TRPM1: variants seen among roughly 807,000 people sequenced by gnomAD.
TRPM1 encodes transient receptor potential cation channel subfamily M member 1.
Under a neutral mutation model 149.4 loss-of-function variants are expected in TRPM1, and 113 were observed. The ratio of observed to expected loss-of-function variants is 0.76; its 90% CI spans 0.65 to 0.88. The LOEUF is 0.88. Ranked by LOEUF, TRPM1 falls within the 40% of genes least tolerant of loss-of-function variation. TRPM1 has a pLI of 0.00. For missense variants in TRPM1, 1,976 were observed against 2,038.7 expected (o/e 0.97, Z 0.59); for synonymous variants, 741 against 759.5 (o/e 0.98, Z 0.40).
intron 1 of TRPM1, among the ~76,000 whole-genome samples, chr15:31,158,614 G>T: frequency 8.1e-6 from 1 of 124,124 alleles, no homozygotes; most frequent in Non-Finnish European, 1.6e-5. Flanking sequence ...GCGACAGAGT[G>T]AGACTCCATC....
chr15:31,022,686 A>G (rs1197978398), intron 27 of TRPM1, among the ~76,000 whole-genome samples: 5 of 152,166 alleles, frequency 3.3e-5, no homozygotes, highest in Non-Finnish European at 7.4e-5. Context: ...CCTTTTTGAT[A>G]TTCCATGAGG....
chr15:31,046,063 A>T (rs202006754), intron 16 of TRPM1, 141 bp downstream of exon 16: 1 of 739,638 alleles, frequency 1.4e-6, no homozygotes, highest in South Asian at 1.7e-5. Flanking sequence ...AAATGTATAT[A>T]TGGTCCTTTT....
chr15:31,012,648 G>C (rs375901518), intron 27 of TRPM1, among the ~76,000 whole-genome samples: 1 of 152,022 alleles, frequency 6.6e-6, no homozygotes, highest in Non-Finnish European at 1.5e-5. Context: ...ATGTAGATTC[G>C]TATCTTTCAT....
At chr15:31,078,083 C>T (rs1040047492) in intron 2 of TRPM1, among the ~76,000 whole-genome samples, 2 of 152,072 alleles carry the variant, frequency 1.3e-5, no homozygotes, top group Non-Finnish European at 2.9e-5. Context: ...AAACCATGGC[C>T]GGCGGGAGCC....
intron 23 of TRPM1, 38 bp downstream of exon 23, chr15:31,030,945 A>G: frequency 6.2e-7 from 1 of 1,612,258 alleles, no homozygotes; most frequent in Non-Finnish European, 8.5e-7. Flanking sequence ...CTGCCTCAGA[A>G]GCAGGGAAGA....
intron 1 of TRPM1, among the ~76,000 whole-genome samples, chr15:31,146,321 C>G (rs1460353477): frequency 6.6e-6 from 1 of 152,208 alleles, no homozygotes; most frequent in Non-Finnish European, 1.5e-5. Flanking sequence ...GTTCTGGTCA[C>G]TCTCTCACCT....
chr15:31,042,339 G>T (rs1459875804), intron 16 of TRPM1, 96 bp from the exon 17 acceptor site: 18 of 1,290,456 alleles, frequency 1.4e-5, no homozygotes, highest in Non-Finnish European at 1.9e-5. Flanking sequence ...TCTGTCAGAG[G>T]TAATAAAGAG....
At chr15:31,037,627 T>A in intron 20 of TRPM1, 84 bp downstream of exon 20, 1 of 1,580,608 alleles carries the variant, frequency 6.3e-7, no homozygotes, top group Non-Finnish European at 8.7e-7. Context: ...GATACTTTTT[T>A]AAGCCCTTGA....
chr15:31,070,210 A>G lies in TRPM1; in HGVS notation c.100T>C (p.Phe34Leu). 1 of 1,613,714 alleles carries G rather than the reference A, an allele frequency of 6.2e-7. No homozygotes were observed. The highest frequency in any genetic ancestry group is 8.5e-7 in the Non-Finnish European group (1 of 1,179,908). ...KDSNRCCCGQ[F>L]TNQHIPPLPS... Reference sequence around the variant, plus strand: ...AGAGGGGGGATATGCTGGTTGGTGAACTGGCCACAGCAACACCTGAAAACA... The same window carrying G: ...AGAGGGGGGATATGCTGGTTGGTGAGCTGGCCACAGCAACACCTGAAAACA... The change falls in exon 4 of 28, where the codon TTC becomes CTC. Residue 34 changes from phenylalanine to leucine, a missense_variant. By Grantham distance (22) the Phe-to-Leu change is conservative. This residue lies in a region of TRPM1 where 1,332 missense variants were observed against 1,347.1 expected (regional missense o/e 0.99). Coordinates refer to ENST00000256552, the MANE Select transcript of TRPM1 (RefSeq NM_001252024.2).
intron 1 of TRPM1, among the ~76,000 whole-genome samples, chr15:31,159,539 T>A (rs1022090364): frequency 2.6e-5 from 4 of 152,192 alleles, no homozygotes; most frequent in Non-Finnish European, 4.4e-5. Flanking sequence ...CTAAAAATAA[T>A]GCTGACTCTC....
intron 1 of TRPM1, among the ~76,000 whole-genome samples, chr15:31,089,374 TC>T (rs1348424244): frequency 6.6e-6 from 1 of 152,200 alleles, no homozygotes; most frequent in Non-Finnish European, 1.5e-5. Context: ...TTGGTAAGTA[TC>T]TATGAAGTAT....
chr15:31,145,935 A>AT (rs2036219358), intron 1 of TRPM1, among the ~76,000 whole-genome samples: 1 of 152,056 alleles, frequency 6.6e-6, no homozygotes, highest in South Asian at 2.1e-4. Context: ...AAAAACAAAA[A>AT]CAAAAACGCA....
intron 3 of TRPM1, among the ~76,000 whole-genome samples, chr15:31,071,980 CATA>C (rs2034556295): frequency 2.6e-5 from 2 of 77,290 alleles, no homozygotes; most frequent in African/African-American, 1.3e-4. Context: ...AAAAAAAAAA[CATA>C]TATATATATA....
intron 25 of TRPM1, 50 bp from the exon 26 acceptor site, chr15:31,027,167 A>C: frequency 6.4e-7 from 1 of 1,568,480 alleles, no homozygotes; most frequent in South Asian, 1.1e-5. Context: ...TTTTATAGTG[A>C]TTTCCCAGAG....
intron 1 of TRPM1, among the ~76,000 whole-genome samples, chr15:31,084,670 T>C (rs1478488158): frequency 3.5e-5 from 5 of 144,520 alleles, no homozygotes; most frequent in African/African-American, 1.3e-4. Flanking sequence ...CTTTCTTTTT[T>C]CTTTTCTTTT....
intron 7 of TRPM1, 150 bp from the exon 8 acceptor site, chr15:31,063,442 TTTTC>T: frequency 1.0e-6 from 1 of 986,812 alleles, no homozygotes; most frequent in Non-Finnish European, 1.5e-6. Context: ...GTGATAACAA[TTTTC>T]TTTTTCTTTT....
intron 3 of TRPM1, among the ~76,000 whole-genome samples, chr15:31,071,371 G>C (rs2034532963): frequency 6.6e-6 from 1 of 152,154 alleles, no homozygotes; most frequent in Admixed American, 6.5e-5. Flanking sequence ...TTGAGGACTA[G>C]AGAGGATGTC....
upstream of TRPM1, among the ~76,000 whole-genome samples, chr15:31,103,813 CAA>C (rs10706621): frequency 0.27 from 30,868 of 115,356 alleles, 3,488 homozygotes; most frequent in African/African-American, 0.37. Context: ...ACTCTGTATC[CAA>C]AAAAAAAAAA....
intron 1 of TRPM1, among the ~76,000 whole-genome samples, chr15:31,149,772 G>T (rs2036274015): frequency 6.6e-6 from 1 of 152,136 alleles, no homozygotes; most frequent in South Asian, 2.1e-4. Context: ...GCCCGCCTTG[G>T]CCTCCCAAAG....
Sources: allele counts gnomAD v4.1 joint callset (sites outside exome capture counted in the v4.1 genomes callset), GRCh38; gene constraint gnomAD v4.1.1; regional missense constraint gnomAD v4.1.1; transcripts MANE v1.5; gene names NCBI Gene and HGNC (gene_info 2026-07-23, HGNC 2026-07-21).